PATJ: variants seen among roughly 807,000 people sequenced by gnomAD.
PATJ encodes inaD-like protein.
A neutral mutation model predicts 224.9 loss-of-function variants in PATJ; 190 were observed. The ratio of observed to expected loss-of-function variants is 0.84; its 90% CI spans 0.75 to 0.95. The LOEUF (loss-of-function observed/expected upper bound fraction) is 0.95, where lower values mean the gene tolerates loss of function less well. Ranked by LOEUF, PATJ falls within the 40% of genes least tolerant of loss-of-function variation. The pLI is 0.00. For missense variants in PATJ, 2,121 were observed against 2,270.3 expected (o/e 0.93, Z 1.34); for synonymous variants, 769 against 820.3 (o/e 0.94, Z 1.07).
chr1:61,779,336 C>T (rs1272829340), intron 7 of PATJ, among the ~76,000 whole-genome samples: 1 of 152,200 alleles, frequency 6.6e-6, no homozygotes, highest in Non-Finnish European at 1.5e-5. Flanking sequence ...ATCTATAGGG[C>T]AGGCCGGCAG....
At chr1:61,931,848 CTG>C (rs1379217099) in intron 27 of PATJ, among the ~76,000 whole-genome samples, 1 of 152,178 alleles carries the variant, frequency 6.6e-6, no homozygotes, top group Non-Finnish European at 1.5e-5. Context: ...TTTTTTGAGA[CTG>C]TGACCCACAG....
intron 22 of PATJ, among the ~76,000 whole-genome samples, chr1:61,885,331 A>G (rs986551711): frequency 1.3e-5 from 2 of 152,250 alleles, no homozygotes; most frequent in African/African-American, 4.8e-5. Context: ...CAAATTTACA[A>G]GAAAAACACA....
chr1:62,073,192 C>G (rs1320965332), intron 31 of PATJ: 49 of 985,254 alleles, frequency 5.0e-5, no homozygotes, highest in Non-Finnish European at 5.7e-5. Flanking sequence ...GAGATCAGAT[C>G]TTTTATTACT....
intron 41 of PATJ, among the ~76,000 whole-genome samples, chr1:62,136,332 C>G (rs551798399): frequency 6.6e-6 from 1 of 150,832 alleles, no homozygotes; most frequent in East Asian, 2.0e-4. Context: ...ACGCCCAGCC[C>G]GATCATTAAA....
intron 28 of PATJ, among the ~76,000 whole-genome samples, chr1:62,010,080 A>AAAC: frequency 7.2e-6 from 1 of 138,648 alleles, no homozygotes. Context: ...CTCCATCTCA[A>AAAC]AAAAAAAAAA....
intron 7 of PATJ, among the ~76,000 whole-genome samples, chr1:61,777,703 C>CTTTTTTTTTTTTTTTT (rs66470863): frequency 2.9e-4 from 14 of 48,742 alleles, no homozygotes; most frequent in Admixed American, 7.2e-4. Flanking sequence ...TTCTTTCTTT[C>CTTTTTTTTTTTTTTTT]TTTTTTTTTT....
At chr1:61,847,595 C>T (rs959498824) in intron 17 of PATJ, among the ~76,000 whole-genome samples, 7 of 152,162 alleles carry the variant, frequency 4.6e-5, no homozygotes, top group Non-Finnish European at 7.3e-5. Context: ...TAGTGTAATA[C>T]TTTGCTATAT....
intron 17 of PATJ, among the ~76,000 whole-genome samples, chr1:61,853,935 G>C (rs72674669): frequency 6.6e-6 from 1 of 152,130 alleles, no homozygotes; most frequent in Non-Finnish European, 1.5e-5. Flanking sequence ...TGACTCGGGG[G>C]TAGAAAGGCA....
At chr1:62,117,624 C>T (rs558444586) in intron 37 of PATJ, among the ~76,000 whole-genome samples, 9 of 152,152 alleles carry the variant, frequency 5.9e-5, no homozygotes, top group African/African-American at 1.9e-4. Context: ...TCACACATGC[C>T]GAGGGCAATT....
rs1673788799 is a variant in PATJ at position 61,918,498 on chromosome 1, G to C, written c.3570+3834G>C. On this transcript the variant is annotated intron_variant, in intron 26 of 43. Coordinates refer to ENST00000642238, the MANE Select transcript of PATJ (RefSeq NM_001350145.3). Reference sequence around the variant, plus strand: ...AAATTTTTGTATATTTTTTAGTAGAGATGGGTCTTACCGTGTTGCCCAGGC... The same window carrying C: ...AAATTTTTGTATATTTTTTAGTAGACATGGGTCTTACCGTGTTGCCCAGGC... Among the ~76,000 whole-genome samples the C allele has an allele frequency of 7.2e-5, 11 of 151,928 alleles. No homozygotes were observed. The South Asian group carries it at 2.3e-3, about 32-fold the overall frequency.
chr1:62,012,768 G>A (rs1204943108), intron 28 of PATJ, among the ~76,000 whole-genome samples: 2 of 151,982 alleles, frequency 1.3e-5, no homozygotes, highest in East Asian at 1.9e-4. Flanking sequence ...TCCTAAAAGC[G>A]AATGGCTGCA....
intron 27 of PATJ, among the ~76,000 whole-genome samples, chr1:61,961,555 CA>C (rs913016909): frequency 5.9e-5 from 9 of 151,892 alleles, no homozygotes; most frequent in Non-Finnish European, 7.4e-5. Flanking sequence ...TAATAGGAGA[CA>C]AAAAAATATA....
At chr1:61,795,296 T>C (rs1039784251) in intron 9 of PATJ, among the ~76,000 whole-genome samples, 171 bp from the exon 10 acceptor site, 4 of 152,126 alleles carry the variant, frequency 2.6e-5, no homozygotes, top group African/African-American at 9.7e-5. Context: ...TTCAGGTCAC[T>C]TGAGATGGTG....
intron 3 of PATJ, among the ~76,000 whole-genome samples, chr1:61,763,982 T>TTG (rs1006547930): frequency 1.0e-4 from 15 of 150,696 alleles, no homozygotes; most frequent in East Asian, 3.9e-4. Context: ...AAGTCTTTTT[T>TTG]TGTGTGTGTG....
At chr1:61,886,622 C>G (rs1230648817) in intron 22 of PATJ, among the ~76,000 whole-genome samples, 1 of 151,704 alleles carries the variant, frequency 6.6e-6, no homozygotes, top group East Asian at 1.9e-4. Flanking sequence ...GAGTTCGAGA[C>G]TAGCCTGGCC....
intron 26 of PATJ, among the ~76,000 whole-genome samples, chr1:61,919,737 C>T (rs1199727895): frequency 6.6e-6 from 1 of 151,980 alleles, no homozygotes; most frequent in East Asian, 1.9e-4. Flanking sequence ...TTCTCTTTGA[C>T]CCAAAATGTA....
intron 31 of PATJ, among the ~76,000 whole-genome samples, chr1:62,079,040 C>T (rs763831607): frequency 3.3e-5 from 5 of 151,954 alleles, no homozygotes; most frequent in African/African-American, 1.2e-4. Flanking sequence ...ACATCCCCAG[C>T]GTAGATTGTT....
Position 62,157,395 on chromosome 1 carries a change from C to G in PATJ, c.5503-3513C>G, listed in dbSNP as rs530501633. Among the ~76,000 whole-genome samples the G allele has an allele frequency of 1.1e-3, 161 of 149,362 alleles. 13 individuals carry two copies. The highest frequency in any genetic ancestry group is 2.5e-3 in the Admixed American group (36 of 14,298). On this transcript the variant is annotated intron_variant, in intron 43 of 43. Coordinates refer to ENST00000642238, the MANE Select transcript of PATJ (RefSeq NM_001350145.3). ...CCCTCCAGAAATTATTTAATTCAGC[C>G]CCTTATAACTCCTACACACCCAAAG...
chr1:61,767,563 C>CA (rs1172712629), intron 4 of PATJ, among the ~76,000 whole-genome samples: 1 of 151,952 alleles, frequency 6.6e-6, no homozygotes, highest in African/African-American at 2.4e-5. Context: ...AATAAATAGA[C>CA]AAACTTAAGT....
Sources: gnomAD v4.1 joint callset for allele counts (sites outside exome capture counted in the v4.1 genomes callset) on GRCh38, gnomAD v4.1.1 for gene constraint, MANE v1.5 for transcripts, NCBI Gene and HGNC (gene_info 2026-07-23, HGNC 2026-07-21) for gene names.